GRM8: variants seen among roughly 807,000 people sequenced by gnomAD.
GRM8 encodes the protein metabotropic glutamate receptor 8.
GRM8 carries 47 observed loss-of-function variants against 87.2 expected under a neutral mutation model. The observed-to-expected ratio is 0.54, with a 90% CI of 0.43 to 0.69. The LOEUF (loss-of-function observed/expected upper bound fraction) is 0.69, where lower values mean the gene tolerates loss of function less well. Among genes scored for constraint, GRM8 ranks in the 30% least tolerant of loss-of-function variants. The pLI, the probability that GRM8 is intolerant of heterozygous loss-of-function variation, is 0.00. For missense variants in GRM8, 1,019 were observed against 1,139.2 expected (o/e 0.89, Z 1.52); for synonymous variants, 396 against 404.5 (o/e 0.98, Z 0.25).
intron 3 of GRM8, among the ~76,000 whole-genome samples, chr7:126,943,630 A>G (rs1807213658): frequency 6.6e-6 from 1 of 152,214 alleles, no homozygotes; most frequent in African/African-American, 2.4e-5. Context: ...AGGAAGGAAT[A>G]GCTCTTGGGG....
At chr7:127,052,942 G>T (rs1370094877) in intron 3 of GRM8, among the ~76,000 whole-genome samples, 3 of 152,106 alleles carry the variant, frequency 2.0e-5, no homozygotes, top group African/African-American at 7.2e-5. Context: ...AAGGGCGACT[G>T]ATTTTGACTA....
intron 7 of GRM8, among the ~76,000 whole-genome samples, chr7:126,753,921 T>C (rs1044026543): frequency 2.0e-5 from 3 of 151,936 alleles, no homozygotes; most frequent in African/African-American, 4.8e-5. Context: ...TGTGATATCA[T>C]TGCCTTTGCC....
intron 6 of GRM8, among the ~76,000 whole-genome samples, chr7:126,892,280 C>T (rs911358883): frequency 2.6e-5 from 4 of 151,934 alleles, no homozygotes; most frequent in African/African-American, 9.7e-5. Context: ...TCTCCTAATG[C>T]TATCCCTCCC....
At chr7:126,943,775 A>T (rs569560944) in intron 3 of GRM8, among the ~76,000 whole-genome samples, 1 of 152,216 alleles carries the variant, frequency 6.6e-6, no homozygotes, top group Non-Finnish European at 1.5e-5. Flanking sequence ...AATGGGTGTG[A>T]GTCAGCCTTG....
intron 7 of GRM8, among the ~76,000 whole-genome samples, chr7:126,739,359 A>T (rs942683610): frequency 6.6e-6 from 1 of 151,972 alleles, no homozygotes; most frequent in African/African-American, 2.4e-5. Flanking sequence ...TGGGAATTAG[A>T]GTGAATCACC....
chr7:126,495,895 T>C (rs946600798), intron 9 of GRM8, among the ~76,000 whole-genome samples: 15 of 152,022 alleles, frequency 9.9e-5, no homozygotes, highest in Non-Finnish European at 1.8e-4. Context: ...TCACTAGGCA[T>C]ACGTGCATGC....
At chr7:126,772,724 C>A (rs1443116602) in intron 6 of GRM8, among the ~76,000 whole-genome samples, 1 of 152,054 alleles carries the variant, frequency 6.6e-6, no homozygotes, top group Non-Finnish European at 1.5e-5. Flanking sequence ...CCTTTTCTCA[C>A]TAGATGAAGA....
At chr7:126,726,430 C>G (rs1196486771) in intron 7 of GRM8, among the ~76,000 whole-genome samples, 1 of 152,148 alleles carries the variant, frequency 6.6e-6, no homozygotes, top group Non-Finnish European at 1.5e-5. Flanking sequence ...TGATACACCT[C>G]TGTGCCTGTG....
chr7:126,597,134 G>T (rs1363348101), intron 8 of GRM8, among the ~76,000 whole-genome samples: 1 of 152,040 alleles, frequency 6.6e-6, no homozygotes, highest in Non-Finnish European at 1.5e-5. Context: ...TGAAAATATG[G>T]CATCCATAAC....
intron 2 of GRM8, among the ~76,000 whole-genome samples, chr7:127,174,794 T>C (rs1245022846): frequency 6.6e-6 from 1 of 152,190 alleles, no homozygotes; most frequent in African/African-American, 2.4e-5. Flanking sequence ...TTCATAAACA[T>C]CAAGTATCTT....
intron 3 of GRM8, among the ~76,000 whole-genome samples, chr7:127,104,267 GTTT>G (rs760407130): frequency 1.3e-5 from 2 of 151,386 alleles, no homozygotes; most frequent in African/African-American, 4.9e-5. Context: ...AGCTACTGAG[GTTT>G]TTTTTTAAAA....
intron 3 of GRM8, among the ~76,000 whole-genome samples, chr7:127,049,021 C>T (rs1159762030): frequency 1.3e-5 from 2 of 152,116 alleles, no homozygotes; most frequent in East Asian, 1.9e-4. Flanking sequence ...ACTAGAGGCT[C>T]GCCATTATAT....
chr7:126,468,314 C>T (rs1373097537), intron 9 of GRM8, among the ~76,000 whole-genome samples: 2 of 151,972 alleles, frequency 1.3e-5, no homozygotes, highest in African/African-American at 4.8e-5. Context: ...CCCTACTATT[C>T]TTTTTGATAT....
intron 2 of GRM8, among the ~76,000 whole-genome samples, chr7:127,198,663 A>AAATG (rs1795420407): frequency 6.6e-6 from 1 of 151,304 alleles, no homozygotes; most frequent in Non-Finnish European, 1.5e-5. Flanking sequence ...TTTTTCATAG[A>AAATG]AATGAATTTT....
At chr7:126,884,079 A>G (rs1280661172) in intron 6 of GRM8, among the ~76,000 whole-genome samples, 8 of 152,134 alleles carry the variant, frequency 5.3e-5, no homozygotes, top group South Asian at 2.1e-4. Flanking sequence ...ATTTTTTTCT[A>G]TTAGTTCCCT....
chr7:127,246,649 C>T (rs902180589), intron 1 of GRM8, among the ~76,000 whole-genome samples: 10 of 152,186 alleles, frequency 6.6e-5, no homozygotes, highest in African/African-American at 2.4e-4. Context: ...TGGGCAGTCC[C>T]CTGGCCTAAG....
chr7:126,865,700 T>A (rs1798536728), intron 6 of GRM8, among the ~76,000 whole-genome samples: 1 of 152,262 alleles, frequency 6.6e-6, no homozygotes, highest in Non-Finnish European at 1.5e-5. Flanking sequence ...CCTTTGTGAC[T>A]TGTTTGCTTT....
intron 9 of GRM8, among the ~76,000 whole-genome samples, chr7:126,450,253 A>G (rs1256940580): frequency 6.6e-6 from 1 of 151,796 alleles, no homozygotes; most frequent in African/African-American, 2.4e-5. Flanking sequence ...ACCACCACAG[A>G]CTCTGACATC....
intron 7 of GRM8, among the ~76,000 whole-genome samples, chr7:126,703,441 T>C (rs1810156017): frequency 6.6e-6 from 1 of 152,146 alleles, no homozygotes; most frequent in Non-Finnish European, 1.5e-5. Context: ...GTTTTATAAA[T>C]AAGAATCTGC....
Sources: allele counts gnomAD v4.1 joint callset (sites outside exome capture counted in the v4.1 genomes callset), GRCh38; gene constraint gnomAD v4.1.1; transcripts MANE v1.5; gene names NCBI Gene and HGNC (gene_info 2026-07-23, HGNC 2026-07-21).